The following PSMD5 variants were observed in gnomAD, a reference collection of about 807,000 sequenced individuals.
PSMD5 encodes the protein proteasome 26S subunit, non-ATPase 5, also known as 26S proteasome non-ATPase regulatory subunit 5.
Under a neutral mutation model 52.1 loss-of-function variants are expected in PSMD5, and 40 were observed. The ratio of observed to expected loss-of-function variants is 0.77; its 90% confidence interval spans 0.60 to 1.00. The LOEUF is 1.00. Among genes scored for constraint, PSMD5 ranks in the 50% least tolerant of loss-of-function variants. PSMD5 has a pLI of 0.00. For synonymous variants in PSMD5, 211 were observed against 226.6 expected, an observed-to-expected ratio of 0.93 and a Z score of 0.62; for missense variants, 575 against 605.2, an observed-to-expected ratio of 0.95 and a Z score of 0.52.
At chr9:120,829,996 T>C (rs2045149160) in intron 4 of PSMD5, among the ~76,000 whole-genome samples, 1 of 152,192 alleles carries the variant, frequency 6.6e-6, no homozygotes, top group Non-Finnish European at 1.5e-5. Flanking sequence ...AGACTAGGGA[T>C]GATAAAAATG....
chr9:120,834,961 C>T (rs577565240), intron 1 of PSMD5, among the ~76,000 whole-genome samples: 22 of 152,286 alleles, frequency 1.4e-4, no homozygotes, highest in Non-Finnish European at 2.2e-4. Flanking sequence ...TTTCTTGTCT[C>T]TTAATAGACA....
chr9:120,827,569 CTA>C (rs886454658), intron 5 of PSMD5, among the ~76,000 whole-genome samples: 2 of 152,058 alleles, frequency 1.3e-5, no homozygotes, highest in Non-Finnish European at 2.9e-5. Context: ...AGGTTTTTTT[CTA>C]TGTCACAAAA....
intron 1 of PSMD5, among the ~76,000 whole-genome samples, chr9:120,834,260 G>A (rs58233081): frequency 0.019 from 2,935 of 152,190 alleles, 97 homozygotes; most frequent in African/African-American, 0.067. Context: ...GATTACAGGT[G>A]TGAGACACCG....
rs976895368 is a variant in PSMD5 at position 120,820,979 on chromosome 9, G to A, written c.1117C>T (p.Pro373Ser). ...AGAAGGTCATCAGTCTGCTGCTCAGGCTACAGGAAAGAAAAGGAAAATCTC... is the reference window on the plus strand; with the variant it reads ...AGAAGGTCATCAGTCTGCTGCTCAGACTACAGGAAAGAAAAGGAAAATCTC... ...DAISSLLYLP[P>S]EQQTDDLLRM... is the part of the protein sequence containing the mutation. Residue 373 changes from proline (P) to serine (S), a missense_variant and splice_region_variant, in exon 9 of 10, where the codon CCT becomes TCT. By Grantham distance (74) the Pro-to-Ser change is moderately conservative. Coordinates refer to ENST00000210313, the MANE Select transcript of PSMD5 (RefSeq NM_005047.4). The A allele has an allele frequency of 1.9e-6, 3 of 1,575,736 alleles. No individual in the cohort carries two copies. Among genetic ancestry groups the A allele is most frequent in the Admixed American group, 4.3e-5 (2 of 46,688 alleles).
At chr9:120,837,596 T>C (rs1425667746) in intron 1 of PSMD5, among the ~76,000 whole-genome samples, 5 of 152,250 alleles carry the variant, frequency 3.3e-5, no homozygotes, top group Admixed American at 6.5e-5. Context: ...CTAGAAGTTT[T>C]GTAGTTTTAG....
Position 120,829,215 on chromosome 9 carries a change from T to TAAA in PSMD5, c.562-10_562-8dup. 9 of 1,227,518 alleles carry TAAA rather than the reference T, an allele frequency of 7.3e-6. No homozygotes were observed. Among genetic ancestry groups the TAAA allele is most frequent in the East Asian group, 2.9e-5 (1 of 34,304 alleles). The allele number at this position is 1,227,518 out of a possible 1,614,324, so 76.0% of individuals were successfully genotyped here. On this transcript the variant is annotated splice_polypyrimidine_tract_variant and splice_region_variant and intron_variant, in intron 4 of 9. Coordinates refer to ENST00000210313, the MANE Select transcript of PSMD5 (RefSeq NM_005047.4). The stretch of plus-strand genomic sequence containing the variant: ...AAGAAATCTCTATAATTAGCTGAAA[T>TAAA]AAAAAAAAAAACACAGAAAAAAGAA...
intron 8 of PSMD5, 73 bp downstream of exon 8, chr9:120,821,282 A>G: frequency 9.9e-7 from 1 of 1,013,988 alleles, no homozygotes; most frequent in South Asian, 1.8e-5. Context: ...CATCACATTT[A>G]TCATGTTGAT....
intron 7 of PSMD5, among the ~76,000 whole-genome samples, chr9:120,823,243 C>T (rs1181211318): frequency 6.7e-6 from 1 of 149,850 alleles, no homozygotes; most frequent in Non-Finnish European, 1.5e-5. Flanking sequence ...GAGTCTCGCA[C>T]TGTCGCCCAG....
In PSMD5 at chr9:120,829,148, A is replaced by G; in HGVS notation, c.622T>C (p.Leu208=). The G allele has an allele frequency of 6.2e-7, 1 of 1,609,332 alleles. No homozygotes were observed. Among genetic ancestry groups the G allele is most frequent in the Non-Finnish European group, 8.5e-7 (1 of 1,177,396 alleles). Residue 208 remains leucine (L), a synonymous_variant, in exon 5 of 10, where the codon TTG becomes CTG. Coordinates refer to ENST00000210313, the MANE Select transcript of PSMD5 (RefSeq NM_005047.4). The stretch of plus-strand genomic sequence containing the variant: ...AGCTCTCTCAGGAGCTGGGTTACCA[A>G]TCCACTTGTGGTACAGTAGTTTAAA... The part of the protein sequence containing the change: ...ESLNYCTTSG[L]VTQLLRELTG...
At chr9:120,828,131 G>C (rs1374163971) in intron 5 of PSMD5, among the ~76,000 whole-genome samples, 9 of 152,112 alleles carry the variant, frequency 5.9e-5, no homozygotes, top group African/African-American at 2.2e-4. Context: ...CCAGTAGCTA[G>C]GATTACAGGC....
chr9:120,824,472 A>C, intron 7 of PSMD5, 22 bp downstream of exon 7: 1 of 1,611,972 alleles, frequency 6.2e-7, no homozygotes, highest in Non-Finnish European at 8.5e-7. Flanking sequence ...GATATCCCTG[A>C]ACAGGGCCAA....
Position 120,842,881 on chromosome 9 carries a change from C to G in PSMD5, c.29G>C (p.Arg10Thr), listed in dbSNP as rs1008270587. The G allele has an allele frequency of 3.1e-6, 5 of 1,598,324 alleles. No homozygotes were observed. The highest frequency in any genetic ancestry group is 4.2e-6 in the Non-Finnish European group (5 of 1,176,560). The change falls in exon 1 of 10, where the codon AGA (arginine) becomes ACA (threonine). Residue 10 changes from arginine to threonine, a missense_variant. Physicochemically the swap from Arg to Thr is moderately conservative, Grantham distance 71. Coordinates refer to ENST00000210313, the MANE Select transcript of PSMD5 (RefSeq NM_005047.4). Reference protein sequence around the residue: MAAQALALLREVARLEAPLE... With the variant: MAAQALALLTEVARLEAPLE... ...CGGCGCTTCCAGCCTCGCTACCTCTCTCAGCAGCGCCAAAGCCTGGGCTGC... is the reference window on the plus strand; with the variant it reads ...CGGCGCTTCCAGCCTCGCTACCTCTGTCAGCAGCGCCAAAGCCTGGGCTGC...
Position 120,831,353 on chromosome 9 carries a change from A to T in PSMD5, c.539T>A (p.Ile180Asn), listed in dbSNP as rs1224327273. The stretch of plus-strand genomic sequence containing the variant: ...TACCTCATACACCCTGTATCGAACA[A>T]TGTCATTTGTTTTCATTACACTTTT... The part of the protein sequence containing the change: ...DLKSVMKTND[I>N]VRYRVYELII... Residue 180 changes from isoleucine (I) to asparagine (N), a missense_variant, in exon 4 of 10, where the codon ATT becomes AAT. Physicochemically the swap from Ile to Asn is moderately radical, Grantham distance 149 (BLOSUM62 -3). Coordinates refer to ENST00000210313, the MANE Select transcript of PSMD5 (RefSeq NM_005047.4). The T allele has an allele frequency of 5.6e-6, 9 of 1,610,598 alleles. No homozygotes were observed. In the African/African-American group the frequency reaches 8.0e-5, roughly 14 times the overall value.
Position 120,831,933 on chromosome 9 carries a change from C to T in PSMD5, c.331G>A (p.Val111Ile), listed in dbSNP as rs2045164206. 4 of 1,612,122 alleles carry T rather than the reference C, an allele frequency of 2.5e-6. No individual in the cohort carries two copies. The highest frequency in any genetic ancestry group is 2.2e-5 in the East Asian group (1 of 44,824). ...ILTLSQIGRIVENSDAVTEIL... is the reference protein window; with the variant it reads ...ILTLSQIGRIIENSDAVTEIL... The stretch of plus-strand genomic sequence containing the variant: ...TCAGTAACAGCATCAGAATTTTCAA[C>T]AATTCTTCCAATCTGAAAGAAAAAC... Residue 111 changes from valine (V) to isoleucine (I), a missense_variant, in exon 3 of 10, where the codon GTT becomes ATT. Transcript: ENST00000210313.
At chr9:120,821,005 A>G (rs779282447) in intron 8 of PSMD5, 26 bp from the exon 9 acceptor site, 1 of 1,555,628 alleles carries the variant, frequency 6.4e-7, no homozygotes, top group Non-Finnish European at 8.6e-7. Context: ...GGAAAATCTC[A>G]TCAAAAGTTA....
chr9:120,840,597 T>C (rs1002461341), intron 1 of PSMD5, among the ~76,000 whole-genome samples: 1 of 147,362 alleles, frequency 6.8e-6, no homozygotes, highest in Non-Finnish European at 1.5e-5. Context: ...AGGTGTGCGC[T>C]ACCAAGCCCA....
chr9:120,836,677 G>T (rs1053647640), intron 1 of PSMD5, among the ~76,000 whole-genome samples: 1 of 152,078 alleles, frequency 6.6e-6, no homozygotes, highest in Non-Finnish European at 1.5e-5. Flanking sequence ...GATTACAGGT[G>T]TGAGCCACCA....
At chr9:120,828,443 CTTTTTTTTTT>C (rs34354549) in intron 5 of PSMD5, among the ~76,000 whole-genome samples, 1 of 132,586 alleles carries the variant, frequency 7.5e-6, no homozygotes, top group African/African-American at 2.8e-5. Context: ...AGCTCATATT[CTTTTTTTTTT>C]TTTTTTTTGA....
At chr9:120,818,594 G>A (rs936732963) in intron 9 of PSMD5, among the ~76,000 whole-genome samples, 19 of 151,988 alleles carry the variant, frequency 1.3e-4, no homozygotes, top group African/African-American at 3.4e-4. Flanking sequence ...CTCATATAGT[G>A]CACAAACATT....
Sources: allele counts gnomAD v4.1 joint callset (sites outside exome capture counted in the v4.1 genomes callset), GRCh38; gene constraint gnomAD v4.1.1; transcripts MANE v1.5; gene names NCBI Gene and HGNC (gene_info 2026-07-23, HGNC 2026-07-21).